Variants in GYPC observed in about 807,000 individuals in gnomAD.
The protein encoded by GYPC is glycophorin C (Gerbich blood group).
A neutral mutation model predicts 12.6 loss-of-function variants in GYPC; 14 were observed. That is an observed-to-expected ratio of 1.11 (90% confidence interval 0.74 to 1.74). The LOEUF is 1.74. GYPC is among the 40% of genes most tolerant of loss of function. The pLI, the probability that GYPC is intolerant of heterozygous loss-of-function variation, is 0.00. For missense variants in GYPC, 225 were observed against 172.1 expected, an observed-to-expected ratio of 1.31 and a Z score of -1.72; for synonymous variants, 78 against 62.1, an observed-to-expected ratio of 1.26 and a Z score of -1.20.
chr2:126,685,505 C>T (rs1011192249), intron 1 of GYPC, among the ~76,000 whole-genome samples: 1 of 152,086 alleles, frequency 6.6e-6, no homozygotes, highest in African/African-American at 2.4e-5. Context: ...CTGCCTTAGC[C>T]TCCTGAGTAG....
chr2:126,658,870 G>C (rs1056326447), intron 1 of GYPC: 8 of 152,044 alleles, frequency 5.3e-5, no homozygotes, highest in African/African-American at 1.9e-4. Context: ...TAGGCTGTAT[G>C]CAGACTTCAT....
intron 1 of GYPC, among the ~76,000 whole-genome samples, chr2:126,679,340 T>C (rs973336812): frequency 3.9e-5 from 6 of 152,164 alleles, no homozygotes; most frequent in African/African-American, 1.4e-4. Context: ...AGGAACTTGA[T>C]AAATGACAGT....
At chr2:126,677,557 A>G (rs1022919852) in intron 1 of GYPC, among the ~76,000 whole-genome samples, 2 of 143,396 alleles carry the variant, frequency 1.4e-5, no homozygotes, top group South Asian at 2.3e-4. Flanking sequence ...GAGTGTGTGT[A>G]TGTGAGTGTA....
chr2:126,689,990 C>T (rs1235900432), intron 1 of GYPC, among the ~76,000 whole-genome samples: 3 of 152,222 alleles, frequency 2.0e-5, no homozygotes, highest in Non-Finnish European at 4.4e-5. Context: ...TCAGTGGAGG[C>T]ATACTGCAGA....
At chr2:126,665,591 G>A (rs1032479169) in intron 1 of GYPC, among the ~76,000 whole-genome samples, 1 of 152,140 alleles carries the variant, frequency 6.6e-6, no homozygotes, top group Admixed American at 6.5e-5. Context: ...ACCCTGTGAG[G>A]GGCCCAGAAG....
intron 1 of GYPC, among the ~76,000 whole-genome samples, chr2:126,671,190 G>A (rs571104045): frequency 2.8e-4 from 42 of 152,282 alleles, no homozygotes; most frequent in African/African-American, 8.7e-4. Flanking sequence ...GGCTGCTAGC[G>A]GGTAGGAGGG....
At chr2:126,691,837 T>C (rs1180087324) in intron 2 of GYPC, among the ~76,000 whole-genome samples, 1 of 152,202 alleles carries the variant, frequency 6.6e-6, no homozygotes, top group East Asian at 1.9e-4. Context: ...ACTGTCCTAA[T>C]AAATGCTGTC....
intron 1 of GYPC, among the ~76,000 whole-genome samples, chr2:126,677,369 GAGT>G (rs1480542426): frequency 6.6e-6 from 1 of 151,552 alleles, no homozygotes; most frequent in Non-Finnish European, 1.5e-5. Context: ...GTGAGAGAAT[GAGT>G]AGGAGTGTGA....
At chr2:126,690,375 C>T (rs1683425060) in intron 2 of GYPC, 64 bp downstream of exon 2, 6 of 1,199,498 alleles carry the variant, frequency 5.0e-6, no homozygotes, top group Admixed American at 1.7e-5. Flanking sequence ...GAGCTCTCAT[C>T]ACAGAGCCCT....
At chr2:126,690,869 G>A (rs1185278083) in intron 2 of GYPC, among the ~76,000 whole-genome samples, 1 of 151,910 alleles carries the variant, frequency 6.6e-6, no homozygotes, top group African/African-American at 2.4e-5. Flanking sequence ...AGTTTGGGAG[G>A]TGCTGTGTGC....
chr2:126,660,919 T>C (rs1682517937), intron 1 of GYPC, among the ~76,000 whole-genome samples: 1 of 152,038 alleles, frequency 6.6e-6, no homozygotes, highest in Admixed American at 6.6e-5. Context: ...TCCACTCCCT[T>C]CCCCTACCCC....
chr2:126,683,695 C>A (rs1465844632), intron 1 of GYPC, among the ~76,000 whole-genome samples: 1 of 152,206 alleles, frequency 6.6e-6, no homozygotes, highest in Non-Finnish European at 1.5e-5. Flanking sequence ...ACCCTGGAAC[C>A]AGACATTTCA....
At chr2:126,689,122 A>T (rs628693) in intron 1 of GYPC, among the ~76,000 whole-genome samples, 4 of 152,156 alleles carry the variant, frequency 2.6e-5, no homozygotes, top group Non-Finnish European at 5.9e-5. Context: ...AACTTGGATA[A>T]TGTCATAGAG....
chr2:126,678,457 T>TGAGCCTGTGTGCCTCTGGCTCATACA (rs1047291840), intron 1 of GYPC: 1 of 152,360 alleles, frequency 6.6e-6, no homozygotes, highest in Non-Finnish European at 1.5e-5. Context: ...CCCATCCCAC[T>TGAGCCTGTGTGCCTCTGGCTCATACA]GAGCCTGTGT....
chr2:126,677,259 A>AAGTGTGTGAGTGCATGTGAG (rs1462132490), intron 1 of GYPC, among the ~76,000 whole-genome samples: 1 of 150,942 alleles, frequency 6.6e-6, no homozygotes, highest in African/African-American at 2.4e-5. Flanking sequence ...ATATGTGTAT[A>AAGTGTGTGAGTGCATGTGAG]AGTGTGTGAG....
At chr2:126,695,842 T>C in intron 3 of GYPC, 104 bp from the exon 4 acceptor site, 1 of 849,726 alleles carries the variant, frequency 1.2e-6, no homozygotes, top group South Asian at 1.3e-5. Flanking sequence ...CTTTTGGTTG[T>C]GGCATTGTAT....
At chr2:126,671,307 A>G (rs1332257152) in intron 1 of GYPC, among the ~76,000 whole-genome samples, 1 of 152,222 alleles carries the variant, frequency 6.6e-6, no homozygotes, top group Non-Finnish European at 1.5e-5. Context: ...CTCACTGGGC[A>G]GGTGCCGGAG....
At chr2:126,678,058 A>G (rs28387158) in intron 1 of GYPC, among the ~76,000 whole-genome samples, 1,532 of 152,146 alleles carry the variant, frequency 0.01, 30 homozygotes, top group African/African-American at 0.035. Flanking sequence ...CTTCTCTACT[A>G]AAAATACAAG....
At chr2:126,694,226 G>T (rs1683573838) in intron 3 of GYPC, among the ~76,000 whole-genome samples, 1 of 152,158 alleles carries the variant, frequency 6.6e-6, no homozygotes. Flanking sequence ...TTTTGGTGAA[G>T]GAGGTTGAGG....
Sources: allele counts gnomAD v4.1 joint callset (sites outside exome capture counted in the v4.1 genomes callset), GRCh38; gene constraint gnomAD v4.1.1; transcripts MANE v1.5; gene names NCBI Gene and HGNC (gene_info 2026-07-23, HGNC 2026-07-21).